BRDT: variants seen among roughly 807,000 people sequenced by gnomAD.
BRDT encodes bromodomain testis associated, also known as bromodomain testis-specific protein.
BRDT carries 77 observed loss-of-function variants against 113.9 expected under a neutral mutation model. That is an observed-to-expected ratio of 0.68 (90% CI 0.56 to 0.82). The LOEUF is 0.82. Ranked by LOEUF, BRDT falls within the 40% of genes least tolerant of loss-of-function variation. BRDT has a pLI of 0.00. For synonymous variants in BRDT, 358 were observed against 366.5 expected, an observed-to-expected ratio of 0.98 and a Z score of 0.26; for missense variants, 1,027 against 1,105.4, an observed-to-expected ratio of 0.93 and a Z score of 1.01.
chr1:91,958,319 G>A (rs1175988376), intron 1 of BRDT, among the ~76,000 whole-genome samples: 15 of 150,222 alleles, frequency 1.0e-4, no homozygotes, highest in African/African-American at 3.7e-4. Flanking sequence ...GGGTTCAAGC[G>A]ATTCTCATGC....
At chr1:92,006,749 G>T (rs1324369699) in intron 18 of BRDT, among the ~76,000 whole-genome samples, 1 of 151,752 alleles carries the variant, frequency 6.6e-6, no homozygotes, top group Non-Finnish European at 1.5e-5. Context: ...TTACAGATGT[G>T]AGCCACCATG....
At chr1:92,002,415 G>A (rs1686944201) in intron 16 of BRDT, among the ~76,000 whole-genome samples, 2 of 152,034 alleles carry the variant, frequency 1.3e-5, no homozygotes, top group African/African-American at 4.8e-5. Flanking sequence ...CTAGGCTGGA[G>A]TGCCGTGGCA....
chr1:91,982,715 A>T (rs995285591), intron 12 of BRDT, among the ~76,000 whole-genome samples: 19 of 152,054 alleles, frequency 1.2e-4, no homozygotes, highest in African/African-American at 4.1e-4. Flanking sequence ...TTGCATTTAT[A>T]TGGTGCTGAT....
chr1:91,980,555 T>C (rs11165911), intron 8 of BRDT, 88 bp from the exon 9 acceptor site: 934,078 of 1,119,460 alleles, frequency 0.83, 392,646 homozygotes, highest in Non-Finnish European at 0.86. Flanking sequence ...ACAAAAGACA[T>C]TCTTGACTTT....
chr1:91,975,252 C>T (rs974252148), intron 4 of BRDT, among the ~76,000 whole-genome samples: 4 of 151,436 alleles, frequency 2.6e-5, no homozygotes, highest in Non-Finnish European at 5.9e-5. Context: ...GCACTTTGTG[C>T]ACATGTACCC....
At chr1:92,010,458 A>G (rs1420968347) in intron 18 of BRDT, among the ~76,000 whole-genome samples, 1 of 150,306 alleles carries the variant, frequency 6.7e-6, no homozygotes, top group East Asian at 2.0e-4. Context: ...TTTTGTTTTT[A>G]TTTTTTTAGT....
chr1:91,969,008 C>T (rs1028727888), intron 4 of BRDT, among the ~76,000 whole-genome samples: 78 of 152,140 alleles, frequency 5.1e-4, no homozygotes, highest in Non-Finnish European at 8.8e-5. Flanking sequence ...GCGATCTCGG[C>T]TCACTGCAAG....
chr1:91,986,942 C>CT (rs770010779), intron 12 of BRDT, among the ~76,000 whole-genome samples: 48 of 132,520 alleles, frequency 3.6e-4, no homozygotes, highest in East Asian at 1.1e-3. Context: ...TTTATAAATT[C>CT]TTTTTTTTTT....
intron 14 of BRDT, among the ~76,000 whole-genome samples, chr1:91,993,523 A>G (rs994978633): frequency 2.6e-5 from 4 of 152,248 alleles, no homozygotes; most frequent in Non-Finnish European, 5.9e-5. Flanking sequence ...CACACATAGT[A>G]AACATTAAAT....
At chr1:91,994,867 CAAAAAAAA>C (rs11330809) in intron 15 of BRDT, among the ~76,000 whole-genome samples, 6 of 65,498 alleles carry the variant, frequency 9.2e-5, no homozygotes, top group East Asian at 1.2e-3. Context: ...GACTCCGTCT[CAAAAAAAA>C]AAAAAAAAAA....
intron 16 of BRDT, among the ~76,000 whole-genome samples, chr1:92,003,345 A>G (rs1322169347): frequency 1.3e-5 from 2 of 152,184 alleles, no homozygotes; most frequent in African/African-American, 4.8e-5. Flanking sequence ...AATCAAGCAT[A>G]ATTATTAAGG....
chr1:91,960,202 A>T (rs1158076315), intron 1 of BRDT, among the ~76,000 whole-genome samples: 1 of 152,224 alleles, frequency 6.6e-6, no homozygotes, highest in Admixed American at 6.5e-5. Flanking sequence ...GTGTATATAT[A>T]TCCAAAAGAA....
chr1:91,985,398 A>T (rs1417722939), intron 12 of BRDT, among the ~76,000 whole-genome samples: 2 of 151,366 alleles, frequency 1.3e-5, no homozygotes, highest in East Asian at 3.9e-4. Context: ...TTTCATCATG[A>T]TGGCTAGGCT....
intron 12 of BRDT, among the ~76,000 whole-genome samples, chr1:91,990,230 A>G (rs771140839): frequency 2.0e-5 from 3 of 152,242 alleles, no homozygotes; most frequent in Non-Finnish European, 4.4e-5. Context: ...TCAGCTGTAC[A>G]GTATTTCTAA....
At chr1:92,002,231 C>A in intron 16 of BRDT, 82 bp downstream of exon 16, 2 of 948,796 alleles carry the variant, frequency 2.1e-6, no homozygotes, top group Non-Finnish European at 3.2e-6. Flanking sequence ...TATTTAAAAG[C>A]CCTGACTTAA....
intron 13 of BRDT, 131 bp downstream of exon 13, chr1:91,991,376 A>G: frequency 2.3e-6 from 1 of 434,966 alleles, no homozygotes; most frequent in Non-Finnish European, 4.0e-6. Flanking sequence ...TAGCTTATCA[A>G]CTAAATGTTC....
At chr1:91,952,566 A>G (rs966821722) in intron 1 of BRDT, among the ~76,000 whole-genome samples, 1 of 238 alleles carries the variant, frequency 4.2e-3, no homozygotes, top group Non-Finnish European at 0.026. Flanking sequence ...TTTAAAGGAG[A>G]CTGACAAAGT....
At chr1:92,013,778 A>G (rs577034668) in intron 18 of BRDT, among the ~76,000 whole-genome samples, 1 of 152,352 alleles carries the variant, frequency 6.6e-6, no homozygotes, top group African/African-American at 2.4e-5. Context: ...TTAGCATTAC[A>G]TATTATAGTT....
intron 1 of BRDT, among the ~76,000 whole-genome samples, chr1:91,952,993 G>GTATA (rs1397721328): frequency 6.6e-6 from 1 of 151,962 alleles, no homozygotes; most frequent in African/African-American, 2.4e-5. Context: ...GGGTACATGT[G>GTATA]CACAACGTGC....
Sources: gnomAD v4.1 joint callset for allele counts (sites outside exome capture counted in the v4.1 genomes callset) on GRCh38, gnomAD v4.1.1 for gene constraint, MANE v1.5 for transcripts, NCBI Gene and HGNC (gene_info 2026-07-23, HGNC 2026-07-21) for gene names.